The following KIAA1217 variants were observed in gnomAD, a reference collection of about 807,000 sequenced individuals.
The protein encoded by KIAA1217 is KIAA1217.
A neutral mutation model predicts 163.9 loss-of-function variants in KIAA1217; 88 were observed. That is an observed-to-expected ratio of 0.54 (90% CI 0.45 to 0.64). KIAA1217 has a LOEUF of 0.64. KIAA1217 is among the 30% of genes least tolerant of loss of function. The pLI, the probability that KIAA1217 is intolerant of heterozygous loss-of-function variation, is 0.00. For missense variants in KIAA1217, 2,372 were observed against 2,475.0 expected (o/e 0.96, Z 0.88); for synonymous variants, 903 against 923.1 (o/e 0.98, Z 0.39).
At chr10:23,797,929 G>T (rs1409593276) in intron 1 of KIAA1217, among the ~76,000 whole-genome samples, 1 of 152,206 alleles carries the variant, frequency 6.6e-6, no homozygotes, top group African/African-American at 2.4e-5. Context: ...CCTAGAAGGA[G>T]ATTTAAACTT....
intron 2 of KIAA1217, among the ~76,000 whole-genome samples, chr10:24,070,375 A>C (rs2131626689): frequency 6.6e-6 from 1 of 152,342 alleles, no homozygotes; most frequent in South Asian, 2.1e-4. Context: ...TAAAACAATA[A>C]AACCCTACAC....
At chr10:23,852,154 A>G (rs28893874) in intron 1 of KIAA1217, among the ~76,000 whole-genome samples, 3 of 151,756 alleles carry the variant, frequency 2.0e-5, no homozygotes, top group Non-Finnish European at 4.4e-5. Context: ...TTAGGTCTAA[A>G]GTTTAAGTCT....
At chr10:24,126,290 A>G (rs1420930612) in intron 2 of KIAA1217, among the ~76,000 whole-genome samples, 4 of 152,190 alleles carry the variant, frequency 2.6e-5, no homozygotes, top group Non-Finnish European at 5.9e-5. Flanking sequence ...TTGTCTGAAC[A>G]GCTGTTTCAC....
At chr10:24,545,749 G>A in intron 20 of KIAA1217, 78 bp from the exon 21 acceptor site, 2 of 1,524,468 alleles carry the variant, frequency 1.3e-6, no homozygotes, top group Middle Eastern at 1.9e-4. Flanking sequence ...TTCTCAGAAG[G>A]GCTGTGTTGC....
intron 9 of KIAA1217, among the ~76,000 whole-genome samples, chr10:24,502,682 C>T (rs899581357): frequency 6.6e-6 from 1 of 152,178 alleles, no homozygotes; most frequent in African/African-American, 2.4e-5. Flanking sequence ...CTTCCAGAAG[C>T]TCATAATCCA....
chr10:24,513,676 C>T (rs893012675), intron 10 of KIAA1217, among the ~76,000 whole-genome samples: 3 of 151,766 alleles, frequency 2.0e-5, no homozygotes, highest in African/African-American at 7.3e-5. Flanking sequence ...CATTGCTGGG[C>T]ATGGTAGTTC....
At chr10:23,961,781 C>G (rs1844829395) in intron 1 of KIAA1217, among the ~76,000 whole-genome samples, 1 of 152,118 alleles carries the variant, frequency 6.6e-6, no homozygotes, top group Admixed American at 6.6e-5. Flanking sequence ...GGCTGGAGTA[C>G]AAAATCAGGT....
chr10:23,761,611 TAGAG>T (rs1203602766), intron 1 of KIAA1217, among the ~76,000 whole-genome samples: 1 of 152,176 alleles, frequency 6.6e-6, no homozygotes, highest in Non-Finnish European at 1.5e-5. Flanking sequence ...ACTGTGATCT[TAGAG>T]AGGCTGTTTG....
At chr10:24,080,673 T>C (rs1344590200) in intron 2 of KIAA1217, among the ~76,000 whole-genome samples, 1 of 152,352 alleles carries the variant, frequency 6.6e-6, no homozygotes, top group South Asian at 2.1e-4. Context: ...CTAATAAGTA[T>C]ATTTGACTTG....
intron 1 of KIAA1217, among the ~76,000 whole-genome samples, chr10:24,211,549 TG>T (rs1359935818): frequency 0.087 from 3,841 of 44,190 alleles, 200 homozygotes; most frequent in African/African-American, 0.19. Context: ...TGTATTGTAT[TG>T]TATTGTATTG....
intron 3 of KIAA1217, among the ~76,000 whole-genome samples, chr10:24,416,527 C>T (rs908358435): frequency 9.2e-5 from 14 of 152,166 alleles, no homozygotes; most frequent in African/African-American, 3.4e-4. Flanking sequence ...TGTATATGCC[C>T]ATGTCTAAAT....
intron 2 of KIAA1217, among the ~76,000 whole-genome samples, chr10:24,339,145 C>A (rs1481910471): frequency 6.6e-6 from 1 of 152,120 alleles, no homozygotes; most frequent in Non-Finnish European, 1.5e-5. Context: ...AAATGATCTC[C>A]CCCGTTCTCA....
chr10:23,797,747 C>T (rs561985310), intron 1 of KIAA1217, among the ~76,000 whole-genome samples: 1 of 152,226 alleles, frequency 6.6e-6, no homozygotes, highest in East Asian at 1.9e-4. Flanking sequence ...CCCTATGATC[C>T]CATCACCTCC....
chr10:24,499,410 C>T (rs999511867), intron 8 of KIAA1217, among the ~76,000 whole-genome samples: 1 of 152,204 alleles, frequency 6.6e-6, no homozygotes. Flanking sequence ...AGAGCCATGA[C>T]TGGTGATGTG....
chr10:24,281,266 T>G (rs1415427524), intron 2 of KIAA1217, among the ~76,000 whole-genome samples: 4 of 152,218 alleles, frequency 2.6e-5, no homozygotes, highest in African/African-American at 9.7e-5. Context: ...ATATTCATTT[T>G]TTTGCCATCG....
intron 1 of KIAA1217, among the ~76,000 whole-genome samples, chr10:23,840,695 G>A (rs1689266623): frequency 6.6e-6 from 1 of 152,156 alleles, no homozygotes; most frequent in African/African-American, 2.4e-5. Context: ...TTTTCAGTAT[G>A]TTTTAGTTGA....
At chr10:24,305,870 T>C (rs2041953469) in intron 2 of KIAA1217, among the ~76,000 whole-genome samples, 2 of 151,984 alleles carry the variant, frequency 1.3e-5, no homozygotes, top group African/African-American at 2.4e-5. Flanking sequence ...TGGAAGAACA[T>C]GTTTAGAAGT....
At chr10:23,711,087 G>A in intron 1 of KIAA1217, among the ~76,000 whole-genome samples, 1 of 152,164 alleles carries the variant, frequency 6.6e-6, no homozygotes, top group South Asian at 2.1e-4. Context: ...GCATACAGAA[G>A]GAGTGAGGCA....
chr10:23,933,317 G>A (rs527590960), intron 1 of KIAA1217, among the ~76,000 whole-genome samples: 8 of 152,300 alleles, frequency 5.3e-5, no homozygotes, highest in African/African-American at 1.9e-4. Flanking sequence ...GGGTGCGTTA[G>A]TTTCTGAGAT....
Sources: allele counts gnomAD v4.1 joint callset (sites outside exome capture counted in the v4.1 genomes callset), GRCh38; gene constraint gnomAD v4.1.1; transcripts MANE v1.5; gene names NCBI Gene and HGNC (gene_info 2026-07-23, HGNC 2026-07-21).